Variants in UBN1 observed in about 807,000 individuals in gnomAD.
UBN1 encodes ubinuclein-1.
In UBN1, 17 loss-of-function variants were observed where a neutral mutation model predicts 108.5. The ratio of observed to expected loss-of-function variants is 0.16; its 90% CI spans 0.11 to 0.24. The LOEUF is 0.24. Ranked by LOEUF, UBN1 falls within the 10% of genes least tolerant of loss-of-function variation. The pLI is 1.00. For missense variants in UBN1, 1,595 were observed against 1,394.4 expected (o/e 1.14, Z -2.29); for synonymous variants, 726 against 564.2 (o/e 1.29, Z -4.07).
chr16:4,860,648 T>A lies in UBN1; in HGVS notation c.672-16T>A, dbSNP rs1226355826. The A allele has an allele frequency of 1.2e-6, 2 of 1,600,360 alleles. No homozygotes were observed. The highest frequency in any genetic ancestry group is 1.7e-6 in the Non-Finnish European group (2 of 1,175,654). On this transcript the variant is annotated splice_polypyrimidine_tract_variant and intron_variant, in intron 6 of 17. Coordinates refer to ENST00000262376, the MANE Select transcript of UBN1 (RefSeq NM_001079514.3). ...TGTCCTATAGTCTGAGTGACCAGTT[T>A]CCCTCTTGCTTGCAGCTTCACAGCC...
chr16:4,854,231 C>A (rs2086689778), intron 2 of UBN1, among the ~76,000 whole-genome samples: 1 of 151,288 alleles, frequency 6.6e-6, no homozygotes, highest in South Asian at 2.1e-4. Flanking sequence ...GACAGCGTTT[C>A]AATGTGTTAG....
intron 2 of UBN1, among the ~76,000 whole-genome samples, chr16:4,855,944 GAA>G (rs995303714): frequency 2.6e-5 from 4 of 152,256 alleles, no homozygotes; most frequent in African/African-American, 9.6e-5. Context: ...AACCAAAAAA[GAA>G]AAAGTGTTTC....
In UBN1 at chr16:4,872,944, T is replaced by G. The variant is rs141430362; in HGVS notation, c.1757+10T>G. 1.2e-6 allele frequency: 2 copies of G among 1,614,222 alleles called. No homozygotes were observed. ...ACCTGACTTCAATCCTGTGAGTGTCTTGGTATTTTCACATCTCGGGACAAG... is the reference window on the plus strand; with the variant it reads ...ACCTGACTTCAATCCTGTGAGTGTCGTGGTATTTTCACATCTCGGGACAAG... On this transcript the variant is annotated intron_variant, in intron 13 of 17. Transcript: ENST00000262376.
At chr16:4,860,100 C>G in intron 6 of UBN1, 132 bp downstream of exon 6, 1 of 1,121,734 alleles carries the variant, frequency 8.9e-7, no homozygotes, top group Non-Finnish European at 1.3e-6. Context: ...TCCCGCACGC[C>G]TCCCGCAGTG....
intron 6 of UBN1, 107 bp downstream of exon 6, chr16:4,860,075 C>T (rs990576556): frequency 3.5e-6 from 5 of 1,425,986 alleles, no homozygotes; most frequent in Non-Finnish European, 3.8e-6. Context: ...GCAGCAGGGC[C>T]TGGCCTTCCT....
Position 4,870,902 on chromosome 16 carries a change from G to A in UBN1, c.1489G>A (p.Glu497Lys), listed in dbSNP as rs1417841627. Reference sequence around the variant, plus strand: ...GGACCGGATTTGTTCGGATGAGGAAGAAGATGAAGAAAAAGGGGGCAGGAG... The same window carrying A: ...GGACCGGATTTGTTCGGATGAGGAAAAAGATGAAGAAAAAGGGGGCAGGAG... ...QRDRICSDEE[E>K]DEEKGGRRIM... Residue 497 changes from glutamate (E) to lysine (K), a missense_variant, in exon 11 of 18, where the codon GAA becomes AAA. Physicochemically the swap from Glu to Lys is moderately conservative, Grantham distance 56 (BLOSUM62 1). This residue lies in a region of UBN1 where 1,398 missense variants were observed against 1,194.7 expected (regional missense o/e 1.17). Transcript: ENST00000262376. 6.2e-7 allele frequency: 1 copy of A among 1,614,146 alleles called. No individual in the cohort carries two copies. Among genetic ancestry groups the A allele is most frequent in the Non-Finnish European group, 8.5e-7 (1 of 1,180,008 alleles).
At chr16:4,871,441 G>A (rs542774325) in intron 12 of UBN1, 140 bp downstream of exon 12, 21 of 1,210,288 alleles carry the variant, frequency 1.7e-5, no homozygotes, top group Admixed American at 2.9e-5. Flanking sequence ...GAGTAACTGG[G>A]GGACATGCAG....
intron 15 of UBN1, 68 bp downstream of exon 15, chr16:4,875,502 T>C (rs1398387495): frequency 3.9e-6 from 6 of 1,536,436 alleles, no homozygotes; most frequent in African/African-American, 1.4e-5. Context: ...GTTGCTTGCC[T>C]TGCCCCGGGT....
intron 7 of UBN1, among the ~76,000 whole-genome samples, chr16:4,865,539 C>T (rs1198026822): frequency 6.6e-6 from 1 of 151,966 alleles, no homozygotes; most frequent in African/African-American, 2.4e-5. Context: ...GGCGTGGTTG[C>T]GTGCAGCTGT....
At chr16:4,865,388 A>G (rs2087279096) in intron 7 of UBN1, among the ~76,000 whole-genome samples, 1 of 152,206 alleles carries the variant, frequency 6.6e-6, no homozygotes. Flanking sequence ...GGCTATCTAA[A>G]CAGAAAATTT....
At chr16:4,875,517 A>G in intron 15 of UBN1, 83 bp downstream of exon 15, 1 of 1,520,058 alleles carries the variant, frequency 6.6e-7, no homozygotes, top group Non-Finnish European at 8.8e-7. Flanking sequence ...CCGGGTGGAG[A>G]GTGAGATCTA....
chr16:4,869,307 C>T (rs973592438), intron 8 of UBN1, among the ~76,000 whole-genome samples: 1 of 152,204 alleles, frequency 6.6e-6, no homozygotes, highest in Non-Finnish European at 1.5e-5. Flanking sequence ...TGCTTGGCGT[C>T]CCTGGCTGTT....
rs578253855 is a variant in UBN1, at chr16:4,880,878, G to C, written c.*746G>C. On this transcript the variant is annotated 3_prime_UTR_variant, in exon 18 of 18. Transcript: ENST00000262376. ...CATATTATAGGAAGACATAATTCCAGTGCCTTTATGGTGGAGCAGAATTCG... is the reference window on the plus strand; with the variant it reads ...CATATTATAGGAAGACATAATTCCACTGCCTTTATGGTGGAGCAGAATTCG... 7 of 152,678 alleles carry C rather than the reference G, an allele frequency of 4.6e-5. No individual in the cohort carries two copies. The highest frequency in any genetic ancestry group is 6.5e-5 in the Admixed American group (1 of 15,304). 9.5% of individuals were successfully genotyped at this position (152,678 alleles called of 1,614,324 possible).
At position 4,872,909 on chromosome 16, in the gene UBN1, G is replaced by C. The variant is rs1455638264; in HGVS notation, c.1732G>C (p.Gly578Arg). The C allele has an allele frequency of 6.2e-7, 1 of 1,614,200 alleles. No homozygotes were observed. The highest frequency in any genetic ancestry group is 1.7e-5 in the Admixed American group (1 of 60,022). The change falls in exon 13 of 18, where the codon GGC becomes CGC. Residue 578 changes from glycine to arginine, a missense_variant. Transcript: ENST00000262376. ...AACTCTGTTTAAGGAGAGCAGACGA[G>C]GCCATGGGCACCTGACTTCAATCCT... ...ARTLFKESRR[G>R]HGHLTSILAK...
chr16:4,871,097 G>T (rs745493103), intron 11 of UBN1, 58 bp from the exon 12 acceptor site: 4 of 1,608,464 alleles, frequency 2.5e-6, no homozygotes, highest in Non-Finnish European at 3.4e-6. Context: ...CACATGATTG[G>T]AACCTTGGAG....
At chr16:4,868,688 G>A (rs2087455982) in intron 7 of UBN1, 145 bp from the exon 8 acceptor site, 4 of 680,630 alleles carry the variant, frequency 5.9e-6, no homozygotes, top group Non-Finnish European at 7.4e-6. Flanking sequence ...AACTTAACCT[G>A]GGACTAGGGT....
At chr16:4,879,657 T>A (rs2088021223) in intron 17 of UBN1, among the ~76,000 whole-genome samples, 1 of 152,270 alleles carries the variant, frequency 6.6e-6, no homozygotes, top group Non-Finnish European at 1.5e-5. Flanking sequence ...CCTTTCTTTC[T>A]TCTGTGGACT....
At chr16:4,870,820 C>T (rs372796267) in intron 10 of UBN1, 24 bp from the exon 11 acceptor site, 2 of 1,612,918 alleles carry the variant, frequency 1.2e-6, no homozygotes, top group African/African-American at 2.7e-5. Context: ...CTTGGGGCCC[C>T]ATGTAATTCT....
chr16:4,882,067 C>T lies in UBN1; in HGVS notation c.*1935C>T, dbSNP rs948288017. The T allele has an allele frequency of 1.3e-5, 2 of 152,316 alleles. No homozygotes were observed. The highest frequency in any genetic ancestry group is 4.8e-5 in the African/African-American group (2 of 41,322). 9.4% of individuals were successfully genotyped at this position (152,316 alleles called of 1,614,324 possible). A position where few individuals can be genotyped will look rare whatever the true frequency, so the allele number is the denominator to read the frequency against. ...GATGGGGAGTTTGAGATTTCTTTTC[C>T]TTGTTTATGCTTTATTTGTGGTAAT... On this transcript the variant is annotated 3_prime_UTR_variant, in exon 18 of 18. Transcript: ENST00000262376.
Sources: gnomAD v4.1 joint callset for allele counts (sites outside exome capture counted in the v4.1 genomes callset) on GRCh38, gnomAD v4.1.1 for gene constraint, gnomAD v4.1.1 regional missense constraint, MANE v1.5 for transcripts, NCBI Gene and HGNC (gene_info 2026-07-23, HGNC 2026-07-21) for gene names.